Variants in BEND7 observed in about 807,000 individuals in gnomAD.
The protein encoded by BEND7 is BEN domain containing 7, also known as BEN domain-containing protein 7.
BEND7 carries 28 observed loss-of-function variants against 50.9 expected under a neutral mutation model. That is an observed-to-expected ratio of 0.55 (90% confidence interval 0.41 to 0.75). BEND7 has a LOEUF of 0.75. Among genes scored for constraint, BEND7 ranks in the 30% least tolerant of loss-of-function variants. BEND7 has a pLI of 0.00. For synonymous variants in BEND7, 170 were observed against 183.9 expected (o/e 0.92, Z 0.61); for missense variants, 477 against 491.3 (o/e 0.97, Z 0.28).
chr10:13,458,892 T>C (rs1223320424), intron 6 of BEND7, among the ~76,000 whole-genome samples: 3 of 152,262 alleles, frequency 2.0e-5, no homozygotes, highest in South Asian at 2.1e-4. Context: ...AGCTATCATT[T>C]GAGACTCCCC....
chr10:13,498,409 T>C (rs535919989), intron 3 of BEND7, among the ~76,000 whole-genome samples: 1 of 152,298 alleles, frequency 6.6e-6, no homozygotes, highest in African/African-American at 2.4e-5. Context: ...ATATCTATTT[T>C]CAAACTGATA....
chr10:13,505,351 G>T (rs2077796706), intron 2 of BEND7, among the ~76,000 whole-genome samples: 1 of 152,148 alleles, frequency 6.6e-6, no homozygotes, highest in African/African-American at 2.4e-5. Context: ...GTCGCTGAGT[G>T]ACCTCCTGCA....
Position 13,526,142 on chromosome 10 carries a change from A to G in BEND7, c.141T>C (p.Phe47=), listed in dbSNP as rs1164509136. The G allele has an allele frequency of 7.8e-7, 1 of 1,287,126 alleles. No individual in the cohort carries two copies. Among genetic ancestry groups the G allele is most frequent in the African/African-American group, 1.5e-5 (1 of 65,784 alleles). 79.7% of individuals were successfully genotyped at this position (1,287,126 alleles called of 1,614,324 possible). A position where few individuals can be genotyped will look rare whatever the true frequency, so the allele number is the denominator to read the frequency against. ...NGEAKETQPI[F]LGDESMEIKK... ...TTAATTGACATAGGAACCTACCTAA[A>G]AAAATGGGCTGTGTCTCTTTGGCCT... Residue 47 remains phenylalanine, a synonymous_variant, in exon 2 of 9, where the codon TTT becomes TTC. Coordinates refer to ENST00000466271, the MANE Select transcript of BEND7 (RefSeq NM_001369863.1).
intron 6 of BEND7, 147 bp from the exon 7 acceptor site, chr10:13,452,805 TG>T (rs1838061549): frequency 2.7e-6 from 2 of 744,788 alleles, no homozygotes; most frequent in Admixed American, 3.3e-5. Context: ...GTATTATATT[TG>T]TTTGGCAAAG....
intron 6 of BEND7, among the ~76,000 whole-genome samples, chr10:13,474,852 T>C (rs1465783553): frequency 6.6e-6 from 1 of 152,258 alleles, no homozygotes; most frequent in Non-Finnish European, 1.5e-5. Flanking sequence ...TAAACTCAGG[T>C]TGATACCTGT....
At chr10:13,471,393 ACT>A (rs1422732487) in intron 6 of BEND7, among the ~76,000 whole-genome samples, 1 of 152,242 alleles carries the variant, frequency 6.6e-6, no homozygotes. Context: ...CTGTTAACAC[ACT>A]GTTTGGGGAA....
At chr10:13,461,593 C>G (rs1348227449) in intron 6 of BEND7, among the ~76,000 whole-genome samples, 1 of 152,206 alleles carries the variant, frequency 6.6e-6, no homozygotes, top group East Asian at 1.9e-4. Context: ...ATTAGCTGGG[C>G]GTGGTGGTGC....
At chr10:13,527,996 G>C (rs1182908086) in intron 1 of BEND7, among the ~76,000 whole-genome samples, 1 of 152,006 alleles carries the variant, frequency 6.6e-6, no homozygotes, top group Non-Finnish European at 1.5e-5. Context: ...CAACAATTCC[G>C]CCTTGGGCTT....
At chr10:13,455,132 A>G (rs1163184510) in intron 6 of BEND7, among the ~76,000 whole-genome samples, 1 of 152,180 alleles carries the variant, frequency 6.6e-6, no homozygotes, top group Non-Finnish European at 1.5e-5. Context: ...AGAACGCACC[A>G]CTGCACTCCA....
chr10:13,466,047 T>C (rs2074218186), intron 6 of BEND7, among the ~76,000 whole-genome samples: 1 of 152,184 alleles, frequency 6.6e-6, no homozygotes, highest in Non-Finnish European at 1.5e-5. Context: ...TTTCTATCAA[T>C]TTAAGGAAGC....
chr10:13,441,371 C>G lies in BEND7; in HGVS notation c.*372G>C. The G allele has an allele frequency of 5.7e-6, 6 of 1,059,550 alleles. No individual in the cohort carries two copies. Among genetic ancestry groups the G allele is most frequent in the Non-Finnish European group, 6.8e-6 (6 of 879,304 alleles). The allele number at this position is 1,059,550 out of a possible 1,614,324, so 65.6% of individuals were successfully genotyped here. ...GAACAGTAGTCACAGTAAGTAAACA[C>G]AATTTTAATTTACAAAATATGATTT... On this transcript the variant is annotated 3_prime_UTR_variant, in exon 9 of 9. Transcript: ENST00000466271.
At chr10:13,508,245 C>G (rs1401528984) in intron 2 of BEND7, among the ~76,000 whole-genome samples, 1 of 152,330 alleles carries the variant, frequency 6.6e-6, no homozygotes, top group South Asian at 2.1e-4. Flanking sequence ...GAGGGACACA[C>G]AAGACTGGGA....
At chr10:13,500,314 AAG>A (rs2077348337) in intron 2 of BEND7, among the ~76,000 whole-genome samples, 1 of 152,178 alleles carries the variant, frequency 6.6e-6, no homozygotes, top group Non-Finnish European at 1.5e-5. Context: ...CTTATGATGA[AAG>A]AGGTTTCTTG....
At chr10:13,475,134 A>G (rs914952315) in intron 6 of BEND7, among the ~76,000 whole-genome samples, 3 of 152,240 alleles carry the variant, frequency 2.0e-5, no homozygotes, top group African/African-American at 7.2e-5. Flanking sequence ...CCTCTTTGTC[A>G]CTGGGCCTTC....
rs528749854 is a variant in BEND7, at chr10:13,475,018, G to A, written c.1063+5881C>T. 1.1e-4 allele frequency among the ~76,000 whole-genome samples: 17 copies of A among 152,226 alleles called. No homozygotes were observed. In the South Asian group the frequency reaches 1.9e-3, roughly 17 times the overall value. Reference sequence around the variant, plus strand: ...CATGGGACCCAGAAGTCTGAATTTCGAACCAACACCCAGGAAATTCTGATG... The same window carrying A: ...CATGGGACCCAGAAGTCTGAATTTCAAACCAACACCCAGGAAATTCTGATG... On this transcript the variant is annotated intron_variant, in intron 6 of 8. Coordinates refer to ENST00000466271, the MANE Select transcript of BEND7 (RefSeq NM_001369863.1).
chr10:13,456,965 T>G (rs1839111385), intron 6 of BEND7, among the ~76,000 whole-genome samples: 1 of 152,148 alleles, frequency 6.6e-6, no homozygotes, highest in South Asian at 2.1e-4. Flanking sequence ...TTCCAAAAGG[T>G]TCTTGAAGTC....
At chr10:13,468,340 G>A (rs1348828249) in intron 6 of BEND7, among the ~76,000 whole-genome samples, 1 of 152,200 alleles carries the variant, frequency 6.6e-6, no homozygotes, top group Non-Finnish European at 1.5e-5. Context: ...AAAGAGCGGG[G>A]AGAGAAGGGC....
chr10:13,451,612 C>CT (rs912241934), intron 7 of BEND7, among the ~76,000 whole-genome samples: 19 of 151,418 alleles, frequency 1.3e-4, no homozygotes, highest in African/African-American at 3.4e-4. Context: ...GATAGTTATT[C>CT]TTTTTTTTTA....
rs77437656 is a variant in BEND7 at position 13,441,398 on chromosome 10, G to A, written c.*345C>T. 9.9e-4 allele frequency: 1,108 copies of A among 1,116,934 alleles called. 24 individuals carry two copies. In the South Asian group the frequency reaches 0.031, roughly 31 times the overall value. 69.2% of individuals were successfully genotyped at this position (1,116,934 alleles called of 1,614,324 possible). ...ATTTTAATTTACAAAATATGATTTT[G>A]CTGTTGCAGTTTTGATACGTATTTC... On this transcript the variant is annotated 3_prime_UTR_variant, in exon 9 of 9. Transcript: ENST00000466271.
Sources: gnomAD v4.1 joint callset for allele counts (sites outside exome capture counted in the v4.1 genomes callset) on GRCh38, gnomAD v4.1.1 for gene constraint, MANE v1.5 for transcripts, NCBI Gene and HGNC (gene_info 2026-07-23, HGNC 2026-07-21) for gene names.